Variants in TRIM2 observed in about 807,000 individuals in gnomAD.
The protein encoded by TRIM2 is tripartite motif-containing protein 2.
A neutral mutation model predicts 75.2 loss-of-function variants in TRIM2; 20 were observed. The ratio of observed to expected loss-of-function variants is 0.27; its 90% CI spans 0.19 to 0.39. The LOEUF is 0.39. Among genes scored for constraint, TRIM2 ranks in the 10% least tolerant of loss-of-function variants. The pLI, the probability that TRIM2 is intolerant of heterozygous loss-of-function variation, is 1.00. For synonymous variants in TRIM2, 373 were observed against 388.3 expected (o/e 0.96, Z 0.46); for missense variants, 660 against 990.8 (o/e 0.67, Z 4.48).
chr4:153,264,665 G>A (rs1051083963), intron 1 of TRIM2, among the ~76,000 whole-genome samples: 3 of 152,210 alleles, frequency 2.0e-5, no homozygotes, highest in Admixed American at 2.0e-4. Flanking sequence ...TGTATATTGA[G>A]TGTATTCCTC....
intron 4 of TRIM2, 41 bp from the exon 5 acceptor site, chr4:153,294,264 G>T: frequency 6.3e-7 from 1 of 1,595,776 alleles, no homozygotes; most frequent in East Asian, 2.2e-5. Flanking sequence ...GAATATTTCT[G>T]GGTTGAGGTT....
chr4:153,292,852 G>T, intron 3 of TRIM2, 130 bp from the exon 4 acceptor site: 1 of 963,416 alleles, frequency 1.0e-6, no homozygotes. Context: ...CTGTGAAGCT[G>T]GACTTAATAA....
intron 11 of TRIM2, among the ~76,000 whole-genome samples, chr4:153,332,645 CAA>C (rs796430920): frequency 3.3e-5 from 3 of 90,050 alleles, no homozygotes; most frequent in African/African-American, 4.2e-5. Flanking sequence ...AATTTCGTCT[CAA>C]AAAAAAAAAA....
chr4:153,292,193 T>C (rs1192384547), intron 3 of TRIM2, among the ~76,000 whole-genome samples: 1 of 152,220 alleles, frequency 6.6e-6, no homozygotes, highest in Non-Finnish European at 1.5e-5. Flanking sequence ...CCACAGGCTA[T>C]GTGATGTATG....
At position 153,339,273 on chromosome 4, in the gene TRIM2, C is replaced by T; in HGVS notation, c.*4307C>T. The T allele has an allele frequency of 1.2e-6, 1 of 813,292 alleles. No individual in the cohort carries two copies. Among genetic ancestry groups the T allele is most frequent in the South Asian group, 5.6e-5 (1 of 17,778 alleles). 50.4% of individuals were successfully genotyped at this position (813,292 alleles called of 1,614,324 possible). A position where few individuals can be genotyped will look rare whatever the true frequency, so the allele number is the denominator to read the frequency against. On this transcript the variant is annotated 3_prime_UTR_variant, in exon 12 of 12. Coordinates refer to ENST00000338700, the MANE Select transcript of TRIM2 (RefSeq NM_015271.5). ...ACAGGATTCATGTGTATCTCTTTAC[C>T]ATGCACAAAATCTCAAATCATTATA...
chr4:153,194,070 C>T (rs1281384222), intron 1 of TRIM2, among the ~76,000 whole-genome samples: 1 of 152,164 alleles, frequency 6.6e-6, no homozygotes, highest in African/African-American at 2.4e-5. Context: ...ATTCAGGAGC[C>T]AGCATCCAGC....
Position 153,339,287 on chromosome 4 carries a change from C to T in TRIM2, c.*4321C>T, listed in dbSNP as rs1322360202. On this transcript the variant is annotated 3_prime_UTR_variant, in exon 12 of 12. Transcript: ENST00000338700. ...TATCTCTTTACCATGCACAAAATCT[C>T]AAATCATTATAATAAAGCTTGTTTT... is the stretch of plus-strand genomic sequence containing the variant. 1.5e-6 allele frequency: 1 copy of T among 682,310 alleles called. No individual in the cohort carries two copies. The allele number at this position is 682,310 out of a possible 1,614,324, so 42.3% of individuals were successfully genotyped here.
chr4:153,218,298 C>G (rs1739032961), intron 1 of TRIM2, among the ~76,000 whole-genome samples: 1 of 152,290 alleles, frequency 6.6e-6, no homozygotes, highest in African/African-American at 2.4e-5. Context: ...GCCTTTTGCT[C>G]CTGGGCTCAA....
chr4:153,223,588 C>T (rs571308893), intron 1 of TRIM2, among the ~76,000 whole-genome samples: 4 of 152,126 alleles, frequency 2.6e-5, no homozygotes, highest in East Asian at 1.9e-4. Context: ...AAAATACTTG[C>T]CCGGTGTTGA....
intron 1 of TRIM2, among the ~76,000 whole-genome samples, chr4:153,262,358 T>C (rs1753791604): frequency 6.6e-6 from 1 of 152,060 alleles, no homozygotes; most frequent in Admixed American, 6.6e-5. Context: ...GATGAAATCA[T>C]AGGAGGTCGA....
At chr4:153,293,368 C>T (rs925223566) in intron 4 of TRIM2, among the ~76,000 whole-genome samples, 1 of 152,174 alleles carries the variant, frequency 6.6e-6, no homozygotes, top group African/African-American at 2.4e-5. Flanking sequence ...GTTTTAGTAC[C>T]TAAGTATGAT....
chr4:153,281,702 A>G (rs1759376074), intron 3 of TRIM2, among the ~76,000 whole-genome samples: 1 of 152,232 alleles, frequency 6.6e-6, no homozygotes, highest in Admixed American at 6.5e-5. Flanking sequence ...ATCAACTTTA[A>G]GTGCTGTGAC....
chr4:153,166,665 C>T (rs1730361250), intron 1 of TRIM2, among the ~76,000 whole-genome samples: 1 of 152,160 alleles, frequency 6.6e-6, no homozygotes, highest in African/African-American at 2.4e-5. Context: ...CCTCCTGCAT[C>T]TGCCTCCCTA....
intron 1 of TRIM2, among the ~76,000 whole-genome samples, chr4:153,266,374 G>A (rs868625802): frequency 7.5e-6 from 1 of 133,156 alleles, no homozygotes; most frequent in Admixed American, 7.8e-5. Flanking sequence ...GACGGAGTCT[G>A]ACTCTGTCAC....
chr4:153,202,665 C>G (rs1194961616), upstream of TRIM2, among the ~76,000 whole-genome samples: 1 of 148,364 alleles, frequency 6.7e-6, no homozygotes, highest in East Asian at 2.0e-4. Context: ...CGCCACTGCA[C>G]TCCAGCCTGG....
intron 1 of TRIM2, among the ~76,000 whole-genome samples, chr4:153,243,132 T>A (rs1578864053): frequency 6.6e-6 from 1 of 152,266 alleles, no homozygotes. Flanking sequence ...GCTTCATTAC[T>A]GGTGGAGAGG....
chr4:153,265,149 A>G (rs1375937586), intron 1 of TRIM2, among the ~76,000 whole-genome samples: 1 of 151,992 alleles, frequency 6.6e-6, no homozygotes, highest in African/African-American at 2.4e-5. Flanking sequence ...CAAAAATCCA[A>G]AATTCTAAGG....
intron 6 of TRIM2, among the ~76,000 whole-genome samples, chr4:153,299,032 C>A (rs866647815): frequency 5.3e-5 from 8 of 152,164 alleles, no homozygotes; most frequent in Non-Finnish European, 1.2e-4. Context: ...AGCCACCATG[C>A]CTAGCCATAA....
chr4:153,303,550 A>G (rs1764382680), intron 6 of TRIM2, among the ~76,000 whole-genome samples: 1 of 152,138 alleles, frequency 6.6e-6, no homozygotes, highest in South Asian at 2.1e-4. Flanking sequence ...ATAACAGAAC[A>G]TTTATGAATT....
Sources: gnomAD v4.1 joint callset for allele counts (sites outside exome capture counted in the v4.1 genomes callset) on GRCh38, gnomAD v4.1.1 for gene constraint, MANE v1.5 for transcripts, NCBI Gene and HGNC (gene_info 2026-07-23, HGNC 2026-07-21) for gene names.